CNKSR2: variants seen among roughly 807,000 people sequenced by gnomAD.
The protein encoded by CNKSR2 is connector enhancer of kinase suppressor of Ras 2.
Under a neutral mutation model 84.4 loss-of-function variants are expected in CNKSR2, and 14 were observed. The observed-to-expected ratio is 0.17, with a 90% CI of 0.11 to 0.26. CNKSR2 has a LOEUF of 0.26. Ranked by LOEUF, CNKSR2 falls within the 10% of genes least tolerant of loss-of-function variation. The probability of loss-of-function intolerance (pLI) is 1.00; values close to 1 mark genes in which losing one functional copy is unlikely to be tolerated. For missense variants in CNKSR2, 485 were observed against 771.2 expected (o/e 0.63, Z 4.40); for synonymous variants, 275 against 277.9 (o/e 0.99, Z 0.10).
intron 13 of CNKSR2, among the ~76,000 whole-genome samples, chrX:21,568,462 C>CTGGATAATT (rs1280701058): frequency 2.7e-5 from 3 of 111,202 alleles, no homozygotes; most frequent in African/African-American, 6.5e-5. Context: ...GTTCAAAAAT[C>CTGGATAATT]TGGATAATTC....
chrX:21,454,535 T>A (rs979382543), intron 4 of CNKSR2, among the ~76,000 whole-genome samples: 1 of 112,278 alleles, frequency 8.9e-6, no homozygotes, highest in Admixed American at 9.4e-5. Flanking sequence ...AACATGGATA[T>A]TGATCAATAA....
chrX:21,431,367 T>A (rs2090631829), intron 2 of CNKSR2, among the ~76,000 whole-genome samples: 1 of 111,419 alleles, frequency 9.0e-6, no homozygotes, highest in Non-Finnish European at 1.9e-5. Flanking sequence ...GGTAGACATA[T>A]CCGCTCACAG....
At chrX:21,629,544 T>C (rs1420300187) in intron 20 of CNKSR2, among the ~76,000 whole-genome samples, 1 of 111,833 alleles carries the variant, frequency 8.9e-6, no homozygotes, top group African/African-American at 3.3e-5. Flanking sequence ...GCAAGTCACA[T>C]CTTACTTGGA....
chrX:21,607,734 G>A (rs2092526371), intron 19 of CNKSR2, among the ~76,000 whole-genome samples: 2 of 110,648 alleles, frequency 1.8e-5, no homozygotes, highest in African/African-American at 3.3e-5. Flanking sequence ...AACTTGGGAG[G>A]TGGAGGTTGC....
At chrX:21,555,567 A>G (rs2092132597) in intron 11 of CNKSR2, among the ~76,000 whole-genome samples, 1 of 111,578 alleles carries the variant, frequency 9.0e-6, no homozygotes, top group East Asian at 2.8e-4. Context: ...TCAGTCAGCC[A>G]TCTGAAAGTA....
intron 1 of CNKSR2, among the ~76,000 whole-genome samples, chrX:21,377,441 G>T (rs760839989): frequency 4.5e-5 from 5 of 111,847 alleles, no homozygotes; most frequent in Admixed American, 3.8e-4. Context: ...TTAGGCTATA[G>T]CTTTGAGATG....
At chrX:21,511,044 G>A (rs1028036616) in intron 8 of CNKSR2, among the ~76,000 whole-genome samples, 13 of 111,501 alleles carry the variant, frequency 1.2e-4, no homozygotes, top group Non-Finnish European at 2.5e-4. Flanking sequence ...TATTGATAAA[G>A]CACTACAAAA....
At chrX:21,379,498 A>G (rs770073494) in intron 1 of CNKSR2, among the ~76,000 whole-genome samples, 11 of 112,446 alleles carry the variant, frequency 9.8e-5, no homozygotes, top group African/African-American at 3.5e-4. Context: ...AAGAAGAAAT[A>G]TATCTTTTCC....
At chrX:21,397,693 G>A (rs188680414) in intron 1 of CNKSR2, among the ~76,000 whole-genome samples, 2 of 110,982 alleles carry the variant, frequency 1.8e-5, no homozygotes, top group African/African-American at 3.3e-5. Flanking sequence ...GTACTGTAGG[G>A]TAACTATAGT....
chrX:21,644,287 T>C (rs2092700411), intron 20 of CNKSR2: 1 of 112,128 alleles, frequency 8.9e-6, no homozygotes, highest in African/African-American at 3.2e-5. Context: ...TCCACAAGGA[T>C]ATCATTGTCC....
At chrX:21,610,129 T>A (rs1182880728) in intron 20 of CNKSR2, among the ~76,000 whole-genome samples, 1 of 112,288 alleles carries the variant, frequency 8.9e-6, no homozygotes, top group African/African-American at 3.2e-5. Flanking sequence ...CAAAAGATAG[T>A]TTTTCCAAGG....
intron 11 of CNKSR2, among the ~76,000 whole-genome samples, chrX:21,533,851 A>G (rs1348233766): frequency 5.4e-5 from 6 of 111,110 alleles, no homozygotes; most frequent in Non-Finnish European, 1.1e-4. Flanking sequence ...TGATATTTTG[A>G]TACATATATA....
chrX:21,564,615 C>G (rs2092222260), intron 13 of CNKSR2, among the ~76,000 whole-genome samples: 1 of 111,568 alleles, frequency 9.0e-6, no homozygotes, highest in Non-Finnish European at 1.9e-5. Context: ...TAATCTGCCC[C>G]TGCTGTAGAA....
intron 1 of CNKSR2, among the ~76,000 whole-genome samples, chrX:21,384,906 G>A (rs1193866053): frequency 9.0e-6 from 1 of 111,516 alleles, no homozygotes; most frequent in Non-Finnish European, 1.9e-5. Flanking sequence ...AGTGAGATAA[G>A]GGAGAGTTAT....
At chrX:21,431,758 A>G (rs766957224) in intron 2 of CNKSR2, among the ~76,000 whole-genome samples, 35 of 111,896 alleles carry the variant, frequency 3.1e-4, no homozygotes, top group African/African-American at 1.1e-3. Context: ...ATCTTTTTCT[A>G]TTTGAAGATA....
intron 11 of CNKSR2, among the ~76,000 whole-genome samples, chrX:21,534,117 G>A (rs1485125917): frequency 9.1e-6 from 1 of 109,750 alleles, no homozygotes; most frequent in Non-Finnish European, 1.9e-5. Flanking sequence ...TCAGCCTCCA[G>A]TAACCACAGT....
chrX:21,594,049 A>T (rs1474792716), intron 15 of CNKSR2: 3 of 112,006 alleles, frequency 2.7e-5, no homozygotes, highest in African/African-American at 6.5e-5. Flanking sequence ...ACTATTCGTG[A>T]TAGCAAAGAC....
chrX:21,554,254 T>A (rs1253077002), intron 11 of CNKSR2, among the ~76,000 whole-genome samples: 1 of 112,115 alleles, frequency 8.9e-6, no homozygotes, highest in Non-Finnish European at 1.9e-5. Flanking sequence ...TTCTTTCATG[T>A]TATTCCCCAT....
chrX:21,493,305 A>G (rs1263440471), intron 6 of CNKSR2: 1 of 112,579 alleles, frequency 8.9e-6, no homozygotes, highest in East Asian at 2.8e-4. Context: ...GAGCCAAGGC[A>G]TGAGCCAAAT....
Sources: allele counts gnomAD v4.1 joint callset (sites outside exome capture counted in the v4.1 genomes callset), GRCh38; gene constraint gnomAD v4.1.1; transcripts MANE v1.5; gene names NCBI Gene and HGNC (gene_info 2026-07-23, HGNC 2026-07-21).